The following PLCB1 variants were observed in gnomAD, a reference collection of about 807,000 sequenced individuals.
PLCB1 encodes 1-phosphatidylinositol 4,5-bisphosphate phosphodiesterase beta-1.
Under a neutral mutation model 161.8 loss-of-function variants are expected in PLCB1, and 46 were observed. That is an observed-to-expected ratio of 0.28 (90% CI 0.22 to 0.36). The LOEUF is 0.36. Among genes scored for constraint, PLCB1 ranks in the 10% least tolerant of loss-of-function variants. PLCB1 has a pLI of 1.00. For synonymous variants in PLCB1, 517 were observed against 503.7 expected (o/e 1.03, Z -0.35); for missense variants, 1,016 against 1,472.5 (o/e 0.69, Z 5.07).
At chr20:8,324,600 TG>T (rs1399061813) in intron 2 of PLCB1, among the ~76,000 whole-genome samples, 2 of 152,180 alleles carry the variant, frequency 1.3e-5, no homozygotes, top group Admixed American at 6.5e-5. Flanking sequence ...CCTTGGAACC[TG>T]GGGACTGGGG....
intron 23 of PLCB1, among the ~76,000 whole-genome samples, chr20:8,756,189 A>C (rs1981728708): frequency 6.6e-6 from 1 of 152,212 alleles, no homozygotes; most frequent in South Asian, 2.1e-4. Context: ...TCTGTGCCAG[A>C]AACAATTCTA....
At chr20:8,600,371 A>G (rs1341702231) in intron 3 of PLCB1, among the ~76,000 whole-genome samples, 1 of 111,864 alleles carries the variant, frequency 8.9e-6, no homozygotes, top group Non-Finnish European at 1.9e-5. Context: ...GTGAGGTGTC[A>G]GTGTGCCCCT....
intron 3 of PLCB1, among the ~76,000 whole-genome samples, chr20:8,602,223 T>C (rs1987609379): frequency 1.3e-5 from 2 of 152,194 alleles, no homozygotes; most frequent in Admixed American, 1.3e-4. Flanking sequence ...AAGTTTTTTT[T>C]TTAATCAAAA....
At chr20:8,184,957 A>G (rs1056451892) in intron 2 of PLCB1, among the ~76,000 whole-genome samples, 4 of 151,456 alleles carry the variant, frequency 2.6e-5, no homozygotes, top group Non-Finnish European at 4.4e-5. Context: ...CCACTCCCCA[A>G]CAGGCCCTGG....
chr20:8,881,555 G>T (rs373296489), intron 31 of PLCB1, 67 bp from the exon 32 acceptor site: 18 of 1,154,858 alleles, frequency 1.6e-5, no homozygotes, highest in African/African-American at 9.2e-5. Context: ...CTTTCAGAGA[G>T]TTTCTATGGG....
intron 3 of PLCB1, among the ~76,000 whole-genome samples, chr20:8,456,459 CT>C (rs889451747): frequency 3.3e-4 from 50 of 151,822 alleles, no homozygotes; most frequent in Admixed American, 4.6e-4. Flanking sequence ...AATTTTTTTT[CT>C]TTTTTGTCTT....
chr20:8,192,882 G>A (rs566398319), intron 2 of PLCB1, among the ~76,000 whole-genome samples: 25 of 152,042 alleles, frequency 1.6e-4, no homozygotes, highest in African/African-American at 6.0e-4. Context: ...CAGTTCTCAT[G>A]AAACAGGATG....
chr20:8,582,596 A>T (rs1433198027), intron 3 of PLCB1, among the ~76,000 whole-genome samples: 1 of 151,116 alleles, frequency 6.6e-6, no homozygotes, highest in African/African-American at 2.5e-5. Flanking sequence ...GTTCATATTA[A>T]TAATAGCCAA....
At chr20:8,386,420 A>G (rs544353192) in intron 3 of PLCB1, among the ~76,000 whole-genome samples, 1 of 152,322 alleles carries the variant, frequency 6.6e-6, no homozygotes, top group African/African-American at 2.4e-5. Flanking sequence ...AATGAGCATT[A>G]ATATTTTGAA....
intron 2 of PLCB1, among the ~76,000 whole-genome samples, chr20:8,205,071 T>A (rs1011477131): frequency 6.6e-6 from 1 of 152,140 alleles, no homozygotes; most frequent in Non-Finnish European, 1.5e-5. Flanking sequence ...TTCTTTATGA[T>A]AAAATCCATT....
chr20:8,774,653 G>T lies in PLCB1; in HGVS notation c.3045G>T (p.Gln1015His). Reference protein sequence around the residue: ...LIDLKDKQQQQLLNLRQEQYY... With the variant: ...LIDLKDKQQQHLLNLRQEQYY... ...ACTTGAAGGACAAACAACAGCAGCA[G>T]CTGCTTAATCTTCGGCAAGAACAGT... The change falls in exon 27 of 32, where the codon CAG becomes CAT. Residue 1015 changes from glutamine to histidine, a missense_variant. By Grantham distance (24) the Gln-to-His change is conservative. Coordinates refer to ENST00000338037, the MANE Select transcript of PLCB1 (RefSeq NM_015192.4). The T allele has an allele frequency of 1.9e-6, 3 of 1,613,998 alleles. No individual in the cohort carries two copies. Among genetic ancestry groups the T allele is most frequent in the Non-Finnish European group, 2.5e-6 (3 of 1,179,870 alleles).
chr20:8,555,978 A>G (rs1985939333), intron 3 of PLCB1, among the ~76,000 whole-genome samples: 1 of 95,556 alleles, frequency 1.0e-5, no homozygotes, highest in South Asian at 2.7e-4. Context: ...TTAGTCAGAA[A>G]TGATTTTTTT....
At chr20:8,449,468 A>G (rs1193224742) in intron 3 of PLCB1, among the ~76,000 whole-genome samples, 2 of 152,226 alleles carry the variant, frequency 1.3e-5, no homozygotes, top group Non-Finnish European at 2.9e-5. Flanking sequence ...GAGAGGGAAG[A>G]GAATCTGAAA....
At chr20:8,388,309 A>G (rs558801755) in intron 3 of PLCB1, among the ~76,000 whole-genome samples, 3 of 152,296 alleles carry the variant, frequency 2.0e-5, no homozygotes, top group South Asian at 4.1e-4. Flanking sequence ...ATGCCAATAT[A>G]TAAATCTCAT....
intron 3 of PLCB1, among the ~76,000 whole-genome samples, chr20:8,447,017 G>A (rs144774779): frequency 1.6e-3 from 251 of 152,256 alleles, no homozygotes; most frequent in Non-Finnish European, 2.9e-3. Flanking sequence ...TTCTGAAATT[G>A]CATGCAAATC....
chr20:8,637,667 CTTG>C (rs2123252525), intron 4 of PLCB1, among the ~76,000 whole-genome samples: 1 of 152,212 alleles, frequency 6.6e-6, no homozygotes, highest in South Asian at 2.1e-4. Flanking sequence ...TAAATATATA[CTTG>C]TTATTAGGAA....
At chr20:8,795,206 T>C (rs1424186410) in intron 31 of PLCB1, among the ~76,000 whole-genome samples, 2 of 152,226 alleles carry the variant, frequency 1.3e-5, no homozygotes, top group Admixed American at 1.3e-4. Flanking sequence ...GATCTTTTCA[T>C]GTGGAGAGTT....
intron 2 of PLCB1, among the ~76,000 whole-genome samples, chr20:8,243,040 G>A (rs1176709766): frequency 6.6e-6 from 1 of 151,966 alleles, no homozygotes; most frequent in East Asian, 1.9e-4. Flanking sequence ...ATCGTTACGG[G>A]CATGCTATCT....
At chr20:8,412,279 A>G (rs1979078499) in intron 3 of PLCB1, among the ~76,000 whole-genome samples, 1 of 152,194 alleles carries the variant, frequency 6.6e-6, no homozygotes, top group African/African-American at 2.4e-5. Context: ...GTTTGGATCC[A>G]GATAGCCAGG....
Sources: gnomAD v4.1 joint callset for allele counts (sites outside exome capture counted in the v4.1 genomes callset) on GRCh38, gnomAD v4.1.1 for gene constraint, MANE v1.5 for transcripts, NCBI Gene and HGNC (gene_info 2026-07-23, HGNC 2026-07-21) for gene names.